The following METTL5 variants were observed in gnomAD, a reference collection of about 807,000 sequenced individuals.
METTL5 encodes methyltransferase 5, N6-adenosine.
Under a neutral mutation model 26.5 loss-of-function variants are expected in METTL5, and 28 were observed. The ratio of observed to expected loss-of-function variants is 1.06; its 90% CI spans 0.78 to 1.45. METTL5 has a LOEUF of 1.45. Among genes scored for constraint, METTL5 ranks in the 40% most tolerant of loss-of-function variants. The pLI, the probability that METTL5 is intolerant of heterozygous loss-of-function variation, is 0.00. For synonymous variants in METTL5, 86 were observed against 82.6 expected, an observed-to-expected ratio of 1.04 and a Z score of -0.22; for missense variants, 231 against 249.9, an observed-to-expected ratio of 0.92 and a Z score of 0.51.
intron 6 of METTL5, 187 bp from the exon 7 acceptor site, chr2:169,812,045 C>A: frequency 1.5e-6 from 1 of 687,630 alleles, no homozygotes; most frequent in Non-Finnish European, 2.4e-6. Flanking sequence ...AAAATATATA[C>A]TATATGAAAA....
intron 1 of METTL5, among the ~76,000 whole-genome samples, chr2:169,823,231 C>T (rs1237194215): frequency 6.6e-6 from 1 of 152,034 alleles, no homozygotes; most frequent in Non-Finnish European, 1.5e-5. Flanking sequence ...CTTGCCTTGG[C>T]CTCCCAAAGT....
chr2:169,815,433 T>C lies in METTL5; in HGVS notation c.541+44A>G, dbSNP rs201490798. 79 of 1,448,116 alleles carry C rather than the reference T, an allele frequency of 5.5e-5. 2 individuals are homozygous for C. The Middle Eastern group carries it at 8.8e-4, about 16-fold the overall frequency. 89.7% of individuals were successfully genotyped at this position (1,448,116 alleles called of 1,614,324 possible). ...TGCATGAAAATTTTGGTTGGGCGAA[T>C]ACATGTTGGCCCTTTTGGATATTAG... On this transcript the variant is annotated intron_variant, in intron 5 of 6. Coordinates refer to ENST00000260953, the MANE Select transcript of METTL5 (RefSeq NM_014168.4).
chr2:169,814,226 A>T (rs1188039772), intron 5 of METTL5, among the ~76,000 whole-genome samples: 1 of 151,934 alleles, frequency 6.6e-6, no homozygotes, highest in Non-Finnish European at 1.5e-5. Context: ...AGTGGCTCAC[A>T]CCTGTAATCC....
rs760229944 is a variant in METTL5, at chr2:169,824,618, C to G, written c.-21G>C. ...TTCATTTTGTTTTAAAGTATGGACT[C>G]GTAGGGTTTGAAGGCACAGGATCTG... is the stretch of plus-strand genomic sequence containing the variant. On this transcript the variant is annotated 5_prime_UTR_variant, in exon 1 of 7. Transcript: ENST00000260953. 4 of 1,572,714 alleles carry G rather than the reference C, an allele frequency of 2.5e-6. No individual in the cohort carries two copies. The highest frequency in any genetic ancestry group is 3.5e-6 in the Non-Finnish European group (4 of 1,142,170).
Position 169,824,565 on chromosome 2 carries a change from A to C in METTL5, c.33T>G (p.Ser11Arg), listed in dbSNP as rs1573975786. The change falls in exon 1 of 7, where the codon AGT (serine) becomes AGG (arginine). Residue 11 changes from serine (S) to arginine (R), a missense_variant. Coordinates refer to ENST00000260953, the MANE Select transcript of METTL5 (RefSeq NM_014168.4). MKKVRLKELE[S>R]RLQQVDGFEK... ...CAAATCCATCCACTTGTTGCAGGCG[A>C]CTCTCTAGTTCCTTAAGCCTTACTT... 1.2e-6 allele frequency: 2 copies of C among 1,613,928 alleles called. No homozygotes were observed.
At chr2:169,812,615 G>A (rs1455153036) in intron 5 of METTL5, 109 bp from the exon 6 acceptor site, 39 of 1,238,106 alleles carry the variant, frequency 3.1e-5, no homozygotes, top group Non-Finnish European at 4.3e-5. Flanking sequence ...GTGCTGGTAA[G>A]CTGAACATTT....
chr2:169,820,431 G>A (rs1161856451), intron 3 of METTL5, among the ~76,000 whole-genome samples: 4 of 152,114 alleles, frequency 2.6e-5, no homozygotes, highest in Admixed American at 1.3e-4. Flanking sequence ...TCTATGTTTC[G>A]TATTCATTCA....
Position 169,824,735 on chromosome 2 carries a change from C to T in METTL5, c.-138G>A. On this transcript the variant is annotated 5_prime_UTR_variant, in exon 1 of 7. Coordinates refer to ENST00000260953, the MANE Select transcript of METTL5 (RefSeq NM_014168.4). ...CGCTGGCCGGACCCGAAGACGCGCC[C>T]TAAGGAGACGCCCGGACGCAGGGCA... 1.5e-6 allele frequency: 1 copy of T among 678,324 alleles called. No individual in the cohort carries two copies. The highest frequency in any genetic ancestry group is 2.4e-5 in the Admixed American group (1 of 40,872). The allele number at this position is 678,324 out of a possible 1,614,324, so 42.0% of individuals were successfully genotyped here.
At chr2:169,813,704 TAATAAA>T (rs1284067385) in intron 5 of METTL5, among the ~76,000 whole-genome samples, 6 of 146,508 alleles carry the variant, frequency 4.1e-5, no homozygotes, top group Non-Finnish European at 9.0e-5. Context: ...AAAATAATAA[TAATAAA>T]AAAAACAGCT....
At position 169,814,972 on chromosome 2, in the gene METTL5, A is replaced by T. The variant is rs10208105; in HGVS notation, c.541+505T>A. Among the ~76,000 whole-genome samples the T allele has an allele frequency of 1.7e-3, 253 of 151,110 alleles. 1 individual carries two copies. Among genetic ancestry groups the T allele is most frequent in the African/African-American group, 5.9e-3 (242 of 41,072 alleles). Reference sequence around the variant, plus strand: ...AGTGGTGCGATCTCGGCTCACTGCAACCTCTGCCTCTGGGACTCAAGCGAT... The same window carrying T: ...AGTGGTGCGATCTCGGCTCACTGCATCCTCTGCCTCTGGGACTCAAGCGAT... On this transcript the variant is annotated intron_variant, in intron 5 of 6. Coordinates refer to ENST00000260953, the MANE Select transcript of METTL5 (RefSeq NM_014168.4).
At position 169,819,569 on chromosome 2, in the gene METTL5, T is replaced by C. The variant is rs779625181; in HGVS notation, c.481A>G (p.Thr161Ala). Residue 161 changes from threonine to alanine, a missense_variant, in exon 4 of 7, where the codon ACT becomes GCT. Coordinates refer to ENST00000260953, the MANE Select transcript of METTL5 (RefSeq NM_014168.4). ...TAVYSLHKSSTREHVQKKAAE... is the reference protein window; with the variant it reads ...TAVYSLHKSSAREHVQKKAAE... ...AGATGATTTGAACTTACTTCTCTAG[T>C]TGAGGATTTGTGTAAGGAATATACT... The C allele has an allele frequency of 6.8e-6, 11 of 1,608,716 alleles. No homozygotes were observed. Among genetic ancestry groups the C allele is most frequent in the African/African-American group, 1.3e-5 (1 of 74,908 alleles).
intron 4 of METTL5, among the ~76,000 whole-genome samples, chr2:169,815,738 T>C (rs1256907071): frequency 2.0e-5 from 3 of 152,166 alleles, no homozygotes; most frequent in Non-Finnish European, 4.4e-5. Flanking sequence ...ACACAATAAA[T>C]CCAAGTGATA....
intron 1 of METTL5, among the ~76,000 whole-genome samples, chr2:169,823,799 G>A (rs777160343): frequency 6.6e-5 from 10 of 152,162 alleles, no homozygotes; most frequent in Non-Finnish European, 1.3e-4. Flanking sequence ...CAGCCTGGGT[G>A]ACAGAGTGAG....
intron 4 of METTL5, among the ~76,000 whole-genome samples, chr2:169,815,998 A>G (rs2081500929): frequency 6.6e-6 from 1 of 152,180 alleles, no homozygotes; most frequent in Admixed American, 6.5e-5. Flanking sequence ...TAGCCTAGGA[A>G]CAACAGACTA....
chr2:169,824,272 G>A lies in METTL5; in HGVS notation c.109+217C>T, dbSNP rs1448508357. ...TAAAAAGATGTCTGGCAGTGTTAAG[G>A]GATATGCAGAAAACTAGACAGTAAA... On this transcript the variant is annotated intron_variant, in intron 1 of 6. Coordinates refer to ENST00000260953, the MANE Select transcript of METTL5 (RefSeq NM_014168.4). The A allele has an allele frequency of 7.9e-6, 4 of 507,278 alleles. No homozygotes were observed. In the Admixed American group the frequency reaches 9.6e-5, roughly 12 times the overall value. The allele number at this position is 507,278 out of a possible 1,614,324, so 31.4% of individuals were successfully genotyped here. A position where few individuals can be genotyped will look rare whatever the true frequency, so the allele number is the denominator to read the frequency against.
At chr2:169,812,954 A>G (rs2105709213) in intron 5 of METTL5, 1 of 154,984 alleles carries the variant, frequency 6.5e-6, no homozygotes, top group African/African-American at 2.4e-5. Flanking sequence ...TTCCTTCTAA[A>G]GAATAATGTA....
intron 4 of METTL5, among the ~76,000 whole-genome samples, chr2:169,815,891 A>T (rs1233513578): frequency 1.3e-5 from 2 of 152,158 alleles, no homozygotes; most frequent in East Asian, 3.8e-4. Context: ...AGCACAACAC[A>T]TTACCTTCTT....
At chr2:169,821,813 G>T in intron 2 of METTL5, 130 bp downstream of exon 2, 1 of 686,194 alleles carries the variant, frequency 1.5e-6, no homozygotes. Flanking sequence ...CATTCAAAAT[G>T]TATTCAGTAT....
At position 169,824,655 on chromosome 2, in the gene METTL5, A is replaced by G. The variant is rs372431616; in HGVS notation, c.-58T>C. The G allele has an allele frequency of 3.6e-5, 48 of 1,334,182 alleles. No individual in the cohort carries two copies. The African/African-American group carries it at 3.8e-4, about 10-fold the overall frequency. 82.6% of individuals were successfully genotyped at this position (1,334,182 alleles called of 1,614,324 possible). On this transcript the variant is annotated 5_prime_UTR_variant, in exon 1 of 7. Transcript: ENST00000260953. ...AGGCACAGGATCTGCGGAGAAATCT[A>G]TTGAACTGGGATCTTGTTTCCTCCC...
Sources: gnomAD v4.1 joint callset for allele counts (sites outside exome capture counted in the v4.1 genomes callset) on GRCh38, gnomAD v4.1.1 for gene constraint, MANE v1.5 for transcripts, NCBI Gene and HGNC (gene_info 2026-07-23, HGNC 2026-07-21) for gene names.